The following LDLRAD4 variants were observed in gnomAD, a reference collection of about 807,000 sequenced individuals.
The protein encoded by LDLRAD4 is low density lipoprotein receptor class A domain containing 4.
LDLRAD4 carries 5 observed loss-of-function variants against 17.0 expected under a neutral mutation model. The observed-to-expected ratio is 0.29, with a 90% CI of 0.15 to 0.62. LDLRAD4 has a LOEUF of 0.62. LDLRAD4 is among the 20% of genes least tolerant of loss of function. The pLI is 0.84. For synonymous variants in LDLRAD4, 168 were observed against 171.8 expected (o/e 0.98, Z 0.17); for missense variants, 340 against 424.7 (o/e 0.80, Z 1.75).
intron 3 of LDLRAD4, chr18:13,460,129 A>T (rs904271981): frequency 1.3e-5 from 2 of 153,548 alleles, no homozygotes; most frequent in African/African-American, 4.8e-5. Context: ...ACAGTATATT[A>T]TAAGAATAGG....
chr18:13,328,002 G>A (rs1404108428), intron 1 of LDLRAD4, among the ~76,000 whole-genome samples: 5 of 152,148 alleles, frequency 3.3e-5, no homozygotes, highest in Admixed American at 6.5e-5. Context: ...GGGGAAACAC[G>A]CCTCATGAGA....
chr18:13,450,336 C>CT (rs199918638), intron 3 of LDLRAD4, among the ~76,000 whole-genome samples: 2 of 119,672 alleles, frequency 1.7e-5, no homozygotes, highest in African/African-American at 6.8e-5. Flanking sequence ...ACCCCCCCCC[C>CT]CAAAAAAACA....
At chr18:13,392,961 C>T (rs1004265067) in intron 2 of LDLRAD4, among the ~76,000 whole-genome samples, 1 of 152,172 alleles carries the variant, frequency 6.6e-6, no homozygotes, top group Admixed American at 6.5e-5. Context: ...TTCTTAGCCA[C>T]TAATGAGACT....
chr18:13,489,268 C>T (rs1303527580), intron 3 of LDLRAD4: 1 of 151,774 alleles, frequency 6.6e-6, no homozygotes, highest in Non-Finnish European at 1.5e-5. Flanking sequence ...AATTCTCCTG[C>T]CTCAGCCTCC....
At chr18:13,392,534 G>A (rs2086354973) in intron 2 of LDLRAD4, among the ~76,000 whole-genome samples, 1 of 152,112 alleles carries the variant, frequency 6.6e-6, no homozygotes, top group Admixed American at 6.5e-5. Flanking sequence ...TGGGTCCGCC[G>A]GCCTCTGTCC....
chr18:13,577,079 AT>A (rs34887130), intron 3 of LDLRAD4, among the ~76,000 whole-genome samples: 20 of 150,384 alleles, frequency 1.3e-4, no homozygotes, highest in African/African-American at 2.7e-4. Context: ...GCGGTTTAGC[AT>A]TTTTTTTTTA....
At chr18:13,378,425 C>T (rs1158154895) in intron 1 of LDLRAD4, among the ~76,000 whole-genome samples, 1 of 152,080 alleles carries the variant, frequency 6.6e-6, no homozygotes, top group Non-Finnish European at 1.5e-5. Flanking sequence ...TTGAGAGGTG[C>T]ATGTGAAGAA....
intron 3 of LDLRAD4, among the ~76,000 whole-genome samples, chr18:13,443,128 C>G (rs1203780904): frequency 1.3e-5 from 2 of 152,182 alleles, no homozygotes; most frequent in African/African-American, 2.4e-5. Flanking sequence ...TTTCAGGAGG[C>G]AACTTTTTCC....
chr18:13,574,548 A>G (rs962385238), intron 3 of LDLRAD4, among the ~76,000 whole-genome samples: 1 of 152,214 alleles, frequency 6.6e-6, no homozygotes, highest in Non-Finnish European at 1.5e-5. Flanking sequence ...CGGCAGGACC[A>G]TGGCCGATGT....
rs181089814 is a variant in LDLRAD4 at position 13,434,393 on chromosome 18, G to A, written c.41-3851G>A. ...TATAATACGTCTATAGCTCCTGGAG[G>A]AGACACTGGTTCCTGAGCAACTCAT... On this transcript the variant is annotated intron_variant, in intron 2 of 5. Coordinates refer to ENST00000359446, the Ensembl canonical transcript of LDLRAD4. Among the ~76,000 whole-genome samples, 342 of 152,172 alleles carry A rather than the reference G, an allele frequency of 2.2e-3. 8 individuals carry two copies. The East Asian group carries it at 0.059, about 26-fold the overall frequency.
At chr18:13,609,499 C>G (rs2039280463) in intron 3 of LDLRAD4, among the ~76,000 whole-genome samples, 1 of 151,072 alleles carries the variant, frequency 6.6e-6, no homozygotes, top group African/African-American at 2.4e-5. Context: ...CCCAGACACC[C>G]ACAGGAGCGC....
chr18:13,375,472 G>C (rs1568068078), intron 1 of LDLRAD4, among the ~76,000 whole-genome samples: 1 of 152,220 alleles, frequency 6.6e-6, no homozygotes, highest in East Asian at 1.9e-4. Flanking sequence ...TGGCTCGGCA[G>C]TGCGAGTGAG....
chr18:13,385,703 C>G (rs1352678167), intron 1 of LDLRAD4, among the ~76,000 whole-genome samples: 1 of 152,194 alleles, frequency 6.6e-6, no homozygotes, highest in Non-Finnish European at 1.5e-5. Flanking sequence ...GGATAAATTC[C>G]ATTTCCCAAA....
At chr18:13,429,495 A>G (rs951611299) in intron 2 of LDLRAD4, among the ~76,000 whole-genome samples, 1 of 152,246 alleles carries the variant, frequency 6.6e-6, no homozygotes, top group Admixed American at 6.5e-5. Context: ...TCAGGAATCC[A>G]TTTTTAAAGT....
At chr18:13,311,457 G>T (rs1599317289) in intron 1 of LDLRAD4, among the ~76,000 whole-genome samples, 1 of 152,242 alleles carries the variant, frequency 6.6e-6, no homozygotes, top group South Asian at 2.1e-4. Context: ...CTAAGGAGTC[G>T]CTTTCCAGCC....
In LDLRAD4 at chr18:13,299,188, A is replaced by T. The variant is rs549626319; in HGVS notation, c.-383+21000A>T. Among the ~76,000 whole-genome samples, 19 of 152,370 alleles carry T rather than the reference A, an allele frequency of 1.2e-4. No individual in the cohort carries two copies. The East Asian group carries it at 3.5e-3, about 28-fold the overall frequency. On this transcript the variant is annotated intron_variant, in intron 1 of 5. Transcript: ENST00000359446. ...GCTGGATGGTGGACGGGGTGACTGTAGCTCAATGCTGGCGAGACCCTCTTT... is the reference window on the plus strand; with the variant it reads ...GCTGGATGGTGGACGGGGTGACTGTTGCTCAATGCTGGCGAGACCCTCTTT...
chr18:13,651,679 G>A (rs1054445228), exon 6 of LDLRAD4: 5 of 152,174 alleles, frequency 3.3e-5, no homozygotes, highest in Admixed American at 3.3e-4. Flanking sequence ...CTAAAACCAC[G>A]GTTGAATCTT....
chr18:13,528,732 C>G (rs2094077150), intron 3 of LDLRAD4, among the ~76,000 whole-genome samples: 1 of 152,234 alleles, frequency 6.6e-6, no homozygotes, highest in South Asian at 2.1e-4. Context: ...CTACAACTAG[C>G]TTGTTGCAGA....
chr18:13,598,463 C>A (rs1346472871), intron 3 of LDLRAD4, among the ~76,000 whole-genome samples: 1 of 152,268 alleles, frequency 6.6e-6, no homozygotes, highest in Non-Finnish European at 1.5e-5. Context: ...TAAATCACTA[C>A]AGAGTCTGAT....
Sources: allele counts gnomAD v4.1 joint callset (sites outside exome capture counted in the v4.1 genomes callset), GRCh38; gene constraint gnomAD v4.1.1; transcripts MANE v1.5; gene names NCBI Gene and HGNC (gene_info 2026-07-23, HGNC 2026-07-21).